The following ZFHX3 variants were observed in gnomAD, a reference collection of about 807,000 sequenced individuals.
The protein encoded by ZFHX3 is zinc finger homeobox 3.
In ZFHX3, 42 loss-of-function variants were observed where a neutral mutation model predicts 279.1. The observed-to-expected ratio is 0.15, with a 90% CI of 0.12 to 0.19. The LOEUF is 0.19. Ranked by LOEUF, ZFHX3 falls within the 10% of genes least tolerant of loss-of-function variation. ZFHX3 has a pLI of 1.00. For missense variants in ZFHX3, 4,981 were observed against 4,754.0 expected (o/e 1.05, Z -1.40); for synonymous variants, 2,293 against 1,957.8 (o/e 1.17, Z -4.52).
chr16:73,890,240 C>CAAAAAAAAAAAAACA (rs2030486086), intron 1 of ZFHX3, among the ~76,000 whole-genome samples: 1 of 130,096 alleles, frequency 7.7e-6, no homozygotes, highest in African/African-American at 2.9e-5. Flanking sequence ...AAAAAAAAAC[C>CAAAAAAAAAAAAACA]AAAAAAAAAA....
At chr16:73,441,226 A>G (rs2018087254) in intron 3 of ZFHX3, among the ~76,000 whole-genome samples, 1 of 152,162 alleles carries the variant, frequency 6.6e-6, no homozygotes, top group South Asian at 2.1e-4. Context: ...TTACAAATGG[A>G]CTATGAGCCC....
intron 4 of ZFHX3, among the ~76,000 whole-genome samples, chr16:73,303,850 G>A (rs1177380396): frequency 1.3e-5 from 2 of 149,328 alleles, no homozygotes; most frequent in Non-Finnish European, 3.0e-5. Flanking sequence ...TGGCACCCTC[G>A]AAACAGGATC....
rs141117713 is a variant in ZFHX3, at chr16:73,113,998, A to G, written c.-897+16970T>C. On this transcript the variant is annotated intron_variant, in intron 7 of 17. Transcript: ENST00000641206. ...TTTTTAGTAGAGATGGGGTTTCACCATGTTAGCCAGGATGGTCTCCATCTC... is the reference window on the plus strand; with the variant it reads ...TTTTTAGTAGAGATGGGGTTTCACCGTGTTAGCCAGGATGGTCTCCATCTC... 1.1e-4 allele frequency among the ~76,000 whole-genome samples: 17 copies of G among 151,930 alleles called. No individual in the cohort carries two copies. The East Asian group carries it at 2.9e-3, about 26-fold the overall frequency.
At chr16:73,877,199 G>T (rs929569941) in intron 1 of ZFHX3, among the ~76,000 whole-genome samples, 3 of 123,990 alleles carry the variant, frequency 2.4e-5, no homozygotes, top group African/African-American at 6.6e-5. Flanking sequence ...CGGGGGGTTA[G>T]GTCGGGGGGG....
At position 73,641,942 on chromosome 16, in the gene ZFHX3, G is replaced by A. The variant is rs149601440; in HGVS notation, c.-1547+38238C>T. On this transcript the variant is annotated intron_variant, in intron 2 of 17. Coordinates refer to the ZFHX3 transcript ENST00000641206. ...ATTCTCAGATGCAAACGAGATAGGT[G>A]ACGCGAGCTCTGGGCAGGGATGGAG... 1.4e-4 allele frequency among the ~76,000 whole-genome samples: 22 copies of A among 152,212 alleles called. 1 individual carries two copies. The East Asian group carries it at 4.1e-3, about 28-fold the overall frequency.
intron 1 of ZFHX3, among the ~76,000 whole-genome samples, chr16:72,985,433 G>A (rs1248614939): frequency 1.3e-5 from 2 of 152,208 alleles, no homozygotes; most frequent in African/African-American, 2.4e-5. Flanking sequence ...TCCCAGGAAA[G>A]CCAGTTGCAT....
At chr16:72,856,652 C>G (rs2037762324) in intron 4 of ZFHX3, among the ~76,000 whole-genome samples, 1 of 152,194 alleles carries the variant, frequency 6.6e-6, no homozygotes, top group Non-Finnish European at 1.5e-5. Flanking sequence ...TCTAATCTTC[C>G]TAGCACATGG....
intron 3 of ZFHX3, among the ~76,000 whole-genome samples, chr16:72,931,278 G>A (rs1232225956): frequency 6.6e-6 from 1 of 152,108 alleles, no homozygotes; most frequent in Non-Finnish European, 1.5e-5. Flanking sequence ...TTCGCACATC[G>A]TTTCAGATGT....
At chr16:73,275,219 C>G (rs572296764) in intron 4 of ZFHX3, among the ~76,000 whole-genome samples, 8 of 152,176 alleles carry the variant, frequency 5.3e-5, no homozygotes, top group Non-Finnish European at 1.2e-4. Flanking sequence ...AAATCTATGA[C>G]GCTTTTGAGT....
chr16:73,066,565 G>C (rs1043092663), intron 8 of ZFHX3, among the ~76,000 whole-genome samples: 1 of 151,862 alleles, frequency 6.6e-6, no homozygotes, highest in Admixed American at 6.5e-5. Flanking sequence ...GTGCACGTAG[G>C]GCATGGCCCA....
chr16:73,589,964 C>T (rs926413058), intron 2 of ZFHX3, among the ~76,000 whole-genome samples: 2 of 152,116 alleles, frequency 1.3e-5, no homozygotes, highest in Non-Finnish European at 2.9e-5. Flanking sequence ...GACAGTACAT[C>T]TAAATGGAAT....
chr16:73,528,926 C>A (rs1015847110), intron 2 of ZFHX3, among the ~76,000 whole-genome samples: 1 of 152,170 alleles, frequency 6.6e-6, no homozygotes, highest in African/African-American at 2.4e-5. Flanking sequence ...GGCTGTCCAA[C>A]CTTCTGAATT....
At chr16:73,270,068 T>G (rs1383779719) in intron 4 of ZFHX3, among the ~76,000 whole-genome samples, 1 of 152,140 alleles carries the variant, frequency 6.6e-6, no homozygotes, top group Non-Finnish European at 1.5e-5. Flanking sequence ...TTTTTCAACT[T>G]GCATTGCTAT....
intron 1 of ZFHX3, among the ~76,000 whole-genome samples, chr16:73,730,586 T>A (rs1054008035): frequency 6.6e-6 from 1 of 152,150 alleles, no homozygotes; most frequent in Non-Finnish European, 1.5e-5. Context: ...CCCGTCTATC[T>A]TGGAGAGTTG....
At chr16:72,883,767 CAT>C (rs1291721764) in intron 4 of ZFHX3, among the ~76,000 whole-genome samples, 1 of 152,162 alleles carries the variant, frequency 6.6e-6, no homozygotes, top group East Asian at 1.9e-4. Flanking sequence ...CCCATGCCTC[CAT>C]CAATGCTTAA....
At chr16:72,939,658 T>C (rs1191052081) in intron 3 of ZFHX3, among the ~76,000 whole-genome samples, 3 of 152,162 alleles carry the variant, frequency 2.0e-5, no homozygotes, top group Non-Finnish European at 4.4e-5. Context: ...GAGGCCCAAG[T>C]GGGCGGATCA....
intron 3 of ZFHX3, among the ~76,000 whole-genome samples, chr16:72,897,297 G>A (rs2038923174): frequency 6.6e-6 from 1 of 152,196 alleles, no homozygotes; most frequent in Admixed American, 6.5e-5. Flanking sequence ...CAAACCTGGT[G>A]AGAGGGATGG....
chr16:72,814,542 G>A (rs1334659720), intron 5 of ZFHX3, among the ~76,000 whole-genome samples: 5 of 151,968 alleles, frequency 3.3e-5, no homozygotes, highest in Admixed American at 6.5e-5. Context: ...TTGTGGTGAG[G>A]TTGCAGAGGT....
rs1360550167 is a variant in ZFHX3 at position 73,438,655 on chromosome 16, A to G, written c.-1291+17348T>C. On this transcript the variant is annotated intron_variant, in intron 3 of 17. Coordinates refer to the ZFHX3 transcript ENST00000641206. ...GAAGCAAAATTCTTGATATAGTGAT[A>G]AAGTAGAGGAATAATCACATTAATG... Among the ~76,000 whole-genome samples the G allele has an allele frequency of 3.3e-5, 5 of 152,378 alleles. No homozygotes were observed. The East Asian group carries it at 9.6e-4, about 29-fold the overall frequency.
Sources: allele counts gnomAD v4.1 joint callset (sites outside exome capture counted in the v4.1 genomes callset), GRCh38; gene constraint gnomAD v4.1.1; transcripts MANE v1.5; gene names NCBI Gene and HGNC (gene_info 2026-07-23, HGNC 2026-07-21).